The following KDM5B variants were observed in gnomAD, a reference collection of about 807,000 sequenced individuals.
The protein encoded by KDM5B is lysine-specific demethylase 5B.
A neutral mutation model predicts 193.4 loss-of-function variants in KDM5B; 144 were observed. The ratio of observed to expected loss-of-function variants is 0.74; its 90% CI spans 0.65 to 0.86. The LOEUF (loss-of-function observed/expected upper bound fraction) is 0.86, where lower values mean the gene tolerates loss of function less well. Ranked by LOEUF, KDM5B falls within the 40% of genes least tolerant of loss-of-function variation. The probability of loss-of-function intolerance (pLI) is 0.00; values close to 1 mark genes in which losing one functional copy is unlikely to be tolerated. For missense variants in KDM5B, 1,833 were observed against 1,886.9 expected, an observed-to-expected ratio of 0.97 and a Z score of 0.53; for synonymous variants, 668 against 682.6, an observed-to-expected ratio of 0.98 and a Z score of 0.33.
chr1:202,747,069 C>T (rs1408264110), intron 14 of KDM5B, among the ~76,000 whole-genome samples: 1 of 152,124 alleles, frequency 6.6e-6, no homozygotes, highest in African/African-American at 2.4e-5. Context: ...GGATCCTAAT[C>T]CAGCCTTGAG....
In KDM5B at chr1:202,808,267, C is replaced by T. The variant is rs1246196765; in HGVS notation, c.39G>A (p.Pro13=). Residue 13 remains proline, a synonymous_variant, in exon 1 of 27, where the codon CCG becomes CCA. Coordinates refer to ENST00000367265, the MANE Select transcript of KDM5B (RefSeq NM_006618.5). ...AATTLHPGPR[P]ALPLGGPGPL... is the part of the protein sequence containing the mutation. The stretch of plus-strand genomic sequence containing the variant: ...GGCCCGGGCCCCCGAGGGGCAGCGC[C>T]GGGCGCGGGCCTGGGTGCAGTGTGG... The T allele has an allele frequency of 3.7e-6, 6 of 1,608,954 alleles. No homozygotes were observed. The highest frequency in any genetic ancestry group is 2.2e-5 in the East Asian group (1 of 44,796).
chr1:202,807,870 C>T (rs982970333), intron 1 of KDM5B, among the ~76,000 whole-genome samples: 6 of 152,006 alleles, frequency 3.9e-5, no homozygotes, highest in African/African-American at 1.5e-4. Context: ...ACCCGGCCCT[C>T]CCATGGCACC....
intron 1 of KDM5B, among the ~76,000 whole-genome samples, chr1:202,801,633 A>ATAATTTTATTTAAAATT (rs1446258693): frequency 4.8e-4 from 13 of 27,222 alleles, no homozygotes; most frequent in Non-Finnish European, 2.0e-3. Context: ...ATTTTTATTT[A>ATAATTTTATTTAAAATT]CAATTTTCAT....
Position 202,727,933 on chromosome 1 carries a change from T to C in KDM5B, c.*1103A>G, listed in dbSNP as rs953932598. ...TGATTTGCCAACATTCTGAGAAAGC[T>C]TATTTTAAAAGAGCACGGCTTTAAA... On this transcript the variant is annotated 3_prime_UTR_variant, in exon 27 of 27. Transcript: ENST00000367265. The C allele has an allele frequency of 6.5e-6, 1 of 152,676 alleles. No homozygotes were observed. The highest frequency in any genetic ancestry group is 6.5e-5 in the Admixed American group (1 of 15,286). 9.5% of individuals were successfully genotyped at this position (152,676 alleles called of 1,614,324 possible). A position where few individuals can be genotyped will look rare whatever the true frequency, so the allele number is the denominator to read the frequency against.
intron 5 of KDM5B, 44 bp downstream of exon 5, chr1:202,766,882 A>T (rs1172691406): frequency 1.3e-6 from 2 of 1,541,048 alleles, no homozygotes; most frequent in Admixed American, 2.3e-5. Context: ...CATTGGTATT[A>T]GGGCTTGAGA....
intron 12 of KDM5B, 72 bp downstream of exon 12, chr1:202,752,833 A>C: frequency 7.1e-7 from 1 of 1,411,788 alleles, no homozygotes; most frequent in Non-Finnish European, 9.8e-7. Flanking sequence ...ACATCATAAA[A>C]AAGTGAATAA....
Position 202,741,666 on chromosome 1 carries a change from C to T in KDM5B, c.2646G>A (p.Glu882=), listed in dbSNP as rs750512936. 1 of 1,613,984 alleles carries T rather than the reference C, an allele frequency of 6.2e-7. No homozygotes were observed. The highest frequency in any genetic ancestry group is 1.7e-5 in the Admixed American group (1 of 60,034). The change falls in exon 19 of 27, where the codon GAG becomes GAA. Residue 882 remains glutamate, a synonymous_variant. Coordinates refer to ENST00000367265, the MANE Select transcript of KDM5B (RefSeq NM_006618.5). ...FQQHSQKLLS[E]ETPSAAELQD... is the part of the protein sequence containing the mutation. ...GCAGCTCCGCAGCACTAGGCGTTTC[C>T]TCAGAGAGTAGTTTCTGACTATGCT...
chr1:202,745,823 T>G (rs1323072646), intron 16 of KDM5B, 35 bp downstream of exon 16: 1 of 1,612,550 alleles, frequency 6.2e-7, no homozygotes, highest in Admixed American at 1.7e-5. Flanking sequence ...AAGCCCCAAT[T>G]TGCCAATCAC....
At chr1:202,774,838 TA>T (rs551159271) in intron 2 of KDM5B, 103 bp from the exon 3 acceptor site, 138 of 1,118,340 alleles carry the variant, frequency 1.2e-4, no homozygotes, top group East Asian at 4.3e-4. Flanking sequence ...CAATACCACT[TA>T]AAAAAATTTT....
chr1:202,730,846 G>GTAAAA, intron 25 of KDM5B, 63 bp downstream of exon 25: 1 of 1,478,122 alleles, frequency 6.8e-7, no homozygotes, highest in South Asian at 1.4e-5. Context: ...GTTTCGAGGA[G>GTAAAA]TAAAATAAAG....
At chr1:202,753,664 G>GTTGTTTTTT (rs1553354252) in intron 11 of KDM5B, among the ~76,000 whole-genome samples, 3 of 105,786 alleles carry the variant, frequency 2.8e-5, no homozygotes, top group Non-Finnish European at 2.1e-5. Context: ...TGTTGTTGTT[G>GTTGTTTTTT]TTTTTTTTTT....
chr1:202,729,641 A>C (rs1314240373), intron 26 of KDM5B, 66 bp downstream of exon 26: 1 of 1,357,482 alleles, frequency 7.4e-7, no homozygotes, highest in Non-Finnish European at 1.0e-6. Context: ...CAGCGAGATG[A>C]GGTCTAGCTT....
In KDM5B at chr1:202,731,779, AAG is replaced by A. The variant is rs1181693134; in HGVS notation, c.4021+47_4021+48del. On this transcript the variant is annotated intron_variant, in intron 24 of 26. Coordinates refer to ENST00000367265, the MANE Select transcript of KDM5B (RefSeq NM_006618.5). Reference sequence around the variant, plus strand: ...ATCTATAATAAAAACCTAGTAATACAAGATCACTCATTACTATCCAGCCCTCA... The same window carrying A: ...ATCTATAATAAAAACCTAGTAATACAATCACTCATTACTATCCAGCCCTCA... 3.2e-6 allele frequency: 4 copies of A among 1,260,990 alleles called. No individual in the cohort carries two copies. In the Admixed American group the frequency reaches 6.8e-5, roughly 21 times the overall value. The allele number at this position is 1,260,990 out of a possible 1,614,324, so 78.1% of individuals were successfully genotyped here.
chr1:202,804,561 GGTGACT>G (rs1314232965), intron 1 of KDM5B, among the ~76,000 whole-genome samples: 3 of 152,248 alleles, frequency 2.0e-5, no homozygotes, highest in East Asian at 3.9e-4. Flanking sequence ...ACTCAAAAAT[GGTGACT>G]GTATTAAAAC....
At chr1:202,808,042 C>G in intron 1 of KDM5B, 60 bp downstream of exon 1, 1 of 1,559,916 alleles carries the variant, frequency 6.4e-7, no homozygotes, top group Non-Finnish European at 8.7e-7. Flanking sequence ...TCCCCGGACC[C>G]GCGCGTCCCC....
At chr1:202,791,779 C>T (rs1024022959) in intron 1 of KDM5B, among the ~76,000 whole-genome samples, 8 of 152,106 alleles carry the variant, frequency 5.3e-5, no homozygotes, top group Non-Finnish European at 1.0e-4. Flanking sequence ...AGTGCAGTGG[C>T]GCGATCTCGG....
chr1:202,774,211 G>GA (rs1438915981), intron 3 of KDM5B, among the ~76,000 whole-genome samples: 1 of 152,190 alleles, frequency 6.6e-6, no homozygotes, highest in East Asian at 1.9e-4. Flanking sequence ...ACTGACTTGA[G>GA]AATCTCATTT....
rs201886267 is a variant in KDM5B, at chr1:202,773,110, A to C, written c.576+8T>G. ...ATAAAACAGGTTAAGGCTAGCCCCC[A>C]AACTTACCCTTAGGCTGTCTCCGGA... On this transcript the variant is annotated splice_region_variant and intron_variant, in intron 4 of 26. Transcript: ENST00000367265. 13 of 1,598,930 alleles carry C rather than the reference A, an allele frequency of 8.1e-6. No homozygotes were observed. Among genetic ancestry groups the C allele is most frequent in the Non-Finnish European group, 1.1e-5 (13 of 1,167,508 alleles).
chr1:202,742,788 C>T lies in KDM5B; in HGVS notation c.2341G>A (p.Ala781Thr), dbSNP rs1655400719. 2 of 1,613,842 alleles carry T rather than the reference C, an allele frequency of 1.2e-6. No homozygotes were observed. Among genetic ancestry groups the T allele is most frequent in the Admixed American group, 1.7e-5 (1 of 59,988 alleles). The change falls in exon 17 of 27, where the codon GCT (alanine) becomes ACT (threonine). Residue 781 changes from alanine (A) to threonine (T), a missense_variant. Physicochemically the swap from Ala to Thr is moderately conservative, Grantham distance 58 (BLOSUM62 0). Around this residue, in one of 3 missense-constraint regions of KDM5B, gnomAD observed 1,379 missense variants for 1,349.6 expected, o/e 1.02. Transcript: ENST00000367265. ...NKKKSLVSFK[A>T]LIEESEMKKF... ...TTCATTTCAGATTCTTCAATTAAAG[C>T]CTTGAAGCTGACAAGGCCTAGGAAT...
Sources: gnomAD v4.1 joint callset for allele counts (sites outside exome capture counted in the v4.1 genomes callset) on GRCh38, gnomAD v4.1.1 for gene constraint, gnomAD v4.1.1 regional missense constraint, MANE v1.5 for transcripts, NCBI Gene and HGNC (gene_info 2026-07-23, HGNC 2026-07-21) for gene names.